HS6ST3: variants seen among roughly 807,000 people sequenced by gnomAD.
HS6ST3 encodes heparan sulfate 6-O-sulfotransferase 3.
Under a neutral mutation model 36.7 loss-of-function variants are expected in HS6ST3, and 12 were observed. The ratio of observed to expected loss-of-function variants is 0.33; its 90% confidence interval spans 0.21 to 0.53. The LOEUF (loss-of-function observed/expected upper bound fraction) is 0.53. Among genes scored for constraint, HS6ST3 ranks in the 20% least tolerant of loss-of-function variants. HS6ST3 has a pLI of 0.95. For missense variants in HS6ST3, 584 were observed against 640.9 expected (o/e 0.91, Z 0.96); for synonymous variants, 240 against 257.5 (o/e 0.93, Z 0.65).
In HS6ST3 at chr13:96,446,746, G is replaced by A. The variant is rs74106459; in HGVS notation, c.707+355177G>A. Reference sequence around the variant, plus strand: ...AATTAACTTTTTATTCACAGAGACAGCCAATGCTGGTGTGGCCATCAGAGC... The same window carrying A: ...AATTAACTTTTTATTCACAGAGACAACCAATGCTGGTGTGGCCATCAGAGC... On this transcript the variant is annotated intron_variant, in intron 1 of 1. Transcript: ENST00000376705. 1.5e-3 allele frequency among the ~76,000 whole-genome samples: 227 copies of A among 152,324 alleles called. 1 individual carries two copies. The highest frequency in any genetic ancestry group is 5.3e-3 in the African/African-American group (221 of 41,574).
chr13:96,262,817 G>A (rs770039566), intron 1 of HS6ST3, among the ~76,000 whole-genome samples: 1 of 152,066 alleles, frequency 6.6e-6, no homozygotes, highest in Non-Finnish European at 1.5e-5. Context: ...TCAGATACGA[G>A]TATAGAAAGT....
intron 1 of HS6ST3, among the ~76,000 whole-genome samples, chr13:96,238,200 C>A (rs2054543580): frequency 6.6e-6 from 1 of 152,172 alleles, no homozygotes; most frequent in Non-Finnish European, 1.5e-5. Flanking sequence ...TTACCTCTCA[C>A]ATGCAATTTG....
At chr13:96,473,800 A>T (rs2055850773) in intron 1 of HS6ST3, among the ~76,000 whole-genome samples, 1 of 152,216 alleles carries the variant, frequency 6.6e-6, no homozygotes, top group Non-Finnish European at 1.5e-5. Context: ...CAAAGTCAAG[A>T]GGCCACTGAG....
chr13:96,561,231 C>T (rs1446839505), intron 1 of HS6ST3, among the ~76,000 whole-genome samples: 2 of 152,196 alleles, frequency 1.3e-5, no homozygotes, highest in South Asian at 2.1e-4. Context: ...AATAAAGCTA[C>T]ACACCCACAG....
In HS6ST3 at chr13:96,091,542, A is replaced by G. The variant is rs1319596279; in HGVS notation, c.680A>G (p.Asp227Gly). The G allele has an allele frequency of 6.3e-7, 1 of 1,585,616 alleles. No homozygotes were observed. The highest frequency in any genetic ancestry group is 8.5e-7 in the Non-Finnish European group (1 of 1,171,246). Reference sequence around the variant, plus strand: ...GTGCCGGCCATCATGGAGAAGAAGGACTGTCCCCGCAACCACAGCCACACC... The same window carrying G: ...GTGCCGGCCATCATGGAGAAGAAGGGCTGTCCCCGCAACCACAGCCACACC... ...NCVPAIMEKK[D>G]CPRNHSHTRN... The change falls in exon 1 of 2, where the codon GAC becomes GGC. Residue 227 changes from aspartate (D) to glycine (G), a missense_variant. Asp to Gly is a moderately conservative substitution (Grantham distance 94). Transcript: ENST00000376705.
intron 1 of HS6ST3, among the ~76,000 whole-genome samples, chr13:96,199,644 A>T (rs1410190630): frequency 6.6e-6 from 1 of 152,136 alleles, no homozygotes. Context: ...TGCATTTTTA[A>T]TTTTAAAATC....
At chr13:96,164,588 T>G (rs899639852) in intron 1 of HS6ST3, among the ~76,000 whole-genome samples, 11 of 151,980 alleles carry the variant, frequency 7.2e-5, no homozygotes, top group Non-Finnish European at 1.5e-4. Flanking sequence ...AACTTTTACA[T>G]TTATTTCTTT....
intron 1 of HS6ST3, among the ~76,000 whole-genome samples, chr13:96,827,191 T>A (rs887837795): frequency 1.3e-5 from 2 of 152,206 alleles, no homozygotes; most frequent in African/African-American, 4.8e-5. Flanking sequence ...AATATTAGTC[T>A]TTGAGTCCCT....
intron 1 of HS6ST3, among the ~76,000 whole-genome samples, chr13:96,138,852 G>T (rs566884365): frequency 1.4e-4 from 21 of 151,952 alleles, no homozygotes; most frequent in Non-Finnish European, 2.9e-4. Context: ...TTTTAAATTG[G>T]CACACACAAA....
At chr13:96,579,119 A>G (rs1412346410) in intron 1 of HS6ST3, among the ~76,000 whole-genome samples, 1 of 152,174 alleles carries the variant, frequency 6.6e-6, no homozygotes, top group Non-Finnish European at 1.5e-5. Flanking sequence ...TAGGTGAGAT[A>G]GTATATATAT....
chr13:96,632,218 A>G (rs1217913258), intron 1 of HS6ST3, among the ~76,000 whole-genome samples: 3 of 152,134 alleles, frequency 2.0e-5, no homozygotes, highest in African/African-American at 7.2e-5. Context: ...CCACTAAGTG[A>G]GGATGCAGCA....
intron 1 of HS6ST3, among the ~76,000 whole-genome samples, chr13:96,276,094 T>C (rs2054747255): frequency 6.6e-6 from 1 of 152,038 alleles, no homozygotes; most frequent in Admixed American, 6.6e-5. Flanking sequence ...TGCCTTGCCA[T>C]TCCCAGCATG....
At chr13:96,782,126 T>G (rs967585818) in intron 1 of HS6ST3, among the ~76,000 whole-genome samples, 1 of 152,220 alleles carries the variant, frequency 6.6e-6, no homozygotes, top group African/African-American at 2.4e-5. Flanking sequence ...CACTGGTGTT[T>G]TTCCAGAGTC....
chr13:96,653,421 C>T (rs1182868369), intron 1 of HS6ST3, among the ~76,000 whole-genome samples: 1 of 152,096 alleles, frequency 6.6e-6, no homozygotes, highest in African/African-American at 2.4e-5. Flanking sequence ...CATGTGTTCT[C>T]ATTGTTCAAC....
At chr13:96,260,785 A>C (rs1007240330) in intron 1 of HS6ST3, among the ~76,000 whole-genome samples, 1 of 151,976 alleles carries the variant, frequency 6.6e-6, no homozygotes, top group Non-Finnish European at 1.5e-5. Flanking sequence ...GACTACAGGC[A>C]CGCACCACCA....
chr13:96,697,466 G>T (rs917364843), intron 1 of HS6ST3, among the ~76,000 whole-genome samples: 9 of 152,040 alleles, frequency 5.9e-5, no homozygotes, highest in Non-Finnish European at 1.0e-4. Context: ...TTTTAGAACT[G>T]AAGAGGACAA....
At chr13:96,777,741 ATACTGCCCAAGG>A (rs1247194132) in intron 1 of HS6ST3, among the ~76,000 whole-genome samples, 1 of 152,192 alleles carries the variant, frequency 6.6e-6, no homozygotes, top group African/African-American at 2.4e-5. Flanking sequence ...GAAAATGGCG[ATACTGCCCAAGG>A]TAGTTTATAG....
At chr13:96,688,245 A>AATAATAATAATAATAAT (rs1566430093) in intron 1 of HS6ST3, among the ~76,000 whole-genome samples, 1 of 129,114 alleles carries the variant, frequency 7.7e-6, no homozygotes, top group African/African-American at 3.0e-5. Context: ...ATCATAATAA[A>AATAATAATAATAATAAT]AAGACTCTCT....
intron 1 of HS6ST3, among the ~76,000 whole-genome samples, chr13:96,406,502 GGAATTAGCA>G (rs1456569698): frequency 6.6e-6 from 1 of 152,126 alleles, no homozygotes; most frequent in African/African-American, 2.4e-5. Context: ...TTGGAACTTT[GGAATTAGCA>G]GAATGTTTTA....
Sources: allele counts gnomAD v4.1 joint callset (sites outside exome capture counted in the v4.1 genomes callset), GRCh38; gene constraint gnomAD v4.1.1; transcripts MANE v1.5; gene names NCBI Gene and HGNC (gene_info 2026-07-23, HGNC 2026-07-21).